AK5: variants seen among roughly 807,000 people sequenced by gnomAD.
The protein encoded by AK5 is adenylate kinase 5, also known as adenylate kinase isoenzyme 5.
A neutral mutation model predicts 69.5 loss-of-function variants in AK5; 27 were observed. The ratio of observed to expected loss-of-function variants is 0.39; its 90% CI spans 0.29 to 0.54. AK5 has a LOEUF of 0.54. AK5 is among the 20% of genes least tolerant of loss of function. The pLI is 0.71. For synonymous variants in AK5, 260 were observed against 244.4 expected (o/e 1.06, Z -0.60); for missense variants, 531 against 700.4 (o/e 0.76, Z 2.73).
chr1:77,387,409 C>T (rs1648109004), intron 6 of AK5, among the ~76,000 whole-genome samples: 1 of 152,060 alleles, frequency 6.6e-6, no homozygotes, highest in Non-Finnish European at 1.5e-5. Flanking sequence ...CCCTAATTGT[C>T]ACTGTAAATT....
intron 6 of AK5, among the ~76,000 whole-genome samples, chr1:77,356,592 T>C (rs1662537825): frequency 6.6e-6 from 1 of 152,206 alleles, no homozygotes; most frequent in African/African-American, 2.4e-5. Context: ...TCATAATGCC[T>C]GCCTCCTAAG....
chr1:77,404,413 C>T (rs1160815026), intron 6 of AK5, among the ~76,000 whole-genome samples: 1 of 151,898 alleles, frequency 6.6e-6, no homozygotes, highest in Non-Finnish European at 1.5e-5. Flanking sequence ...TAAGTATCAA[C>T]ATATGTTGTT....
chr1:77,335,478 A>G (rs1459280319), intron 5 of AK5, among the ~76,000 whole-genome samples: 1 of 151,436 alleles, frequency 6.6e-6, no homozygotes, highest in African/African-American at 2.4e-5. Flanking sequence ...AAAGGATCTT[A>G]TGACCACTGT....
intron 6 of AK5, among the ~76,000 whole-genome samples, chr1:77,403,511 A>G (rs1019491025): frequency 2.6e-5 from 4 of 152,208 alleles, no homozygotes; most frequent in Non-Finnish European, 5.9e-5. Context: ...AGCTTTCTAC[A>G]TATGGCTAGC....
At chr1:77,437,138 T>C (rs1652005108) in intron 8 of AK5, among the ~76,000 whole-genome samples, 3 of 152,124 alleles carry the variant, frequency 2.0e-5, no homozygotes, top group Admixed American at 6.5e-5. Context: ...TTTTATTTTA[T>C]CAACAATTTT....
At chr1:77,477,203 A>G (rs1654999649) in intron 8 of AK5, among the ~76,000 whole-genome samples, 2 of 151,944 alleles carry the variant, frequency 1.3e-5, no homozygotes, top group Admixed American at 1.3e-4. Context: ...AATTTTTTAA[A>G]TTTTTTGTAG....
At chr1:77,365,016 A>G (rs1315165662) in intron 6 of AK5, among the ~76,000 whole-genome samples, 1 of 152,042 alleles carries the variant, frequency 6.6e-6, no homozygotes, top group Non-Finnish European at 1.5e-5. Context: ...CTGTTTTTGC[A>G]CCTTCACCAA....
intron 8 of AK5, among the ~76,000 whole-genome samples, chr1:77,425,354 G>A (rs966110688): frequency 1.3e-5 from 2 of 152,224 alleles, no homozygotes; most frequent in African/African-American, 2.4e-5. Flanking sequence ...GGGAGGCCAA[G>A]GCAGGTGGAT....
intron 6 of AK5, among the ~76,000 whole-genome samples, chr1:77,364,288 G>A (rs1343860071): frequency 1.3e-5 from 2 of 152,116 alleles, no homozygotes; most frequent in Non-Finnish European, 2.9e-5. Context: ...GGCACATAGT[G>A]ATATTTCAGT....
Position 77,434,152 on chromosome 1 carries a change from A to ATAAC in AK5, c.1059+16437_1059+16438insTAAC, listed in dbSNP as rs201761700. Among the ~76,000 whole-genome samples the ATAAC allele has an allele frequency of 4.0e-4, 59 of 148,832 alleles. 2 individuals carry two copies. Among genetic ancestry groups the ATAAC allele is most frequent in the African/African-American group, 1.4e-3 (56 of 40,632 alleles). On this transcript the variant is annotated intron_variant, in intron 8 of 13. Transcript: ENST00000354567. ...AATAAATAAATAAATAAATAAATAA[A>ATAAC]ATTTGATGAAAGTTCATGATAACCA...
Position 77,301,200 on chromosome 1 carries a change from T to A in AK5, c.699+3253T>A, listed in dbSNP as rs149827703. Among the ~76,000 whole-genome samples, 162 of 152,302 alleles carry A rather than the reference T, an allele frequency of 1.1e-3. 1 individual carries two copies. The East Asian group carries it at 0.025, about 23-fold the overall frequency. Reference sequence around the variant, plus strand: ...GGGCAGCTTTTTTCCTTGAGATCATTTAGGGACCATGGTTCCTCCCAGGTT... The same window carrying A: ...GGGCAGCTTTTTTCCTTGAGATCATATAGGGACCATGGTTCCTCCCAGGTT... On this transcript the variant is annotated intron_variant, in intron 5 of 13. Transcript: ENST00000354567.
At chr1:77,406,803 T>C (rs1649688986) in intron 6 of AK5, among the ~76,000 whole-genome samples, 1 of 151,902 alleles carries the variant, frequency 6.6e-6, no homozygotes, top group African/African-American at 2.4e-5. Flanking sequence ...ACTGGAAAAC[T>C]TCATAATTCA....
At position 77,410,995 on chromosome 1, in the gene AK5, C is replaced by T. The variant is rs760221604; in HGVS notation, c.906C>T (p.Arg302=). 8 of 1,613,598 alleles carry T rather than the reference C, an allele frequency of 5.0e-6. No homozygotes were observed. In the Admixed American group the frequency reaches 8.3e-5, roughly 17 times the overall value. ...ATTTCCCCCAGTTTGATGCCGACCG[C>T]GATGAGGATGAGGTGTTCTATGACA... The part of the protein sequence containing the change: ...KGLIMTFDAD[R]DEDEVFYDIS... The change falls in exon 7 of 14, where the codon CGC becomes CGT. Residue 302 remains arginine (R), a synonymous_variant. Coordinates refer to ENST00000354567, the MANE Select transcript of AK5 (RefSeq NM_174858.3).
rs1391597090 is a variant in AK5 at position 77,444,336 on chromosome 1, T to TAA, written c.1059+26622_1059+26623insAA. Reference sequence around the variant, plus strand: ...ACAATATATGTGTATATATATAGTATATATACACAATATATGTGTATATAT... The same window carrying TAA: ...ACAATATATGTGTATATATATAGTATAAATATACACAATATATGTGTATATAT... On this transcript the variant is annotated intron_variant, in intron 8 of 13. Coordinates refer to ENST00000354567, the MANE Select transcript of AK5 (RefSeq NM_174858.3). Among the ~76,000 whole-genome samples, 91 of 50,236 alleles carry TAA rather than the reference T, an allele frequency of 1.8e-3. 6 individuals are homozygous for TAA. Among genetic ancestry groups the TAA allele is most frequent in the African/African-American group, 2.6e-3 (35 of 13,278 alleles). The allele number at this position is 50,236 out of a possible 152,430, so 33.0% of individuals were successfully genotyped here.
At chr1:77,402,503 T>A (rs191162528) in intron 6 of AK5, among the ~76,000 whole-genome samples, 12,127 of 145,612 alleles carry the variant, frequency 0.083, 656 homozygotes, top group South Asian at 0.16. Flanking sequence ...TGTCCATGTG[T>A]TCTCATTGTT....
intron 6 of AK5, among the ~76,000 whole-genome samples, chr1:77,389,105 GA>G (rs1254950358): frequency 2.0e-5 from 3 of 152,192 alleles, no homozygotes; most frequent in Non-Finnish European, 4.4e-5. Context: ...AGAGCAGCCT[GA>G]ATTGGAGGGG....
At chr1:77,488,453 G>A (rs986516275) in intron 10 of AK5, among the ~76,000 whole-genome samples, 4 of 152,148 alleles carry the variant, frequency 2.6e-5, no homozygotes, top group Non-Finnish European at 5.9e-5. Context: ...GTTAGGAAAA[G>A]GGGAGACCCT....
chr1:77,314,198 G>C (rs12135843), intron 5 of AK5: 30,733 of 285,478 alleles, frequency 0.11, 1,991 homozygotes, highest in Middle Eastern at 0.19. Flanking sequence ...TTTCAAGGAG[G>C]CTGGAGAATC....
chr1:77,440,997 C>T (rs930504337), intron 8 of AK5, among the ~76,000 whole-genome samples: 4 of 152,202 alleles, frequency 2.6e-5, no homozygotes, highest in African/African-American at 9.6e-5. Context: ...AATTCACCTG[C>T]CTTGGCCTCC....
Sources: gnomAD v4.1 joint callset for allele counts (sites outside exome capture counted in the v4.1 genomes callset) on GRCh38, gnomAD v4.1.1 for gene constraint, MANE v1.5 for transcripts, NCBI Gene and HGNC (gene_info 2026-07-23, HGNC 2026-07-21) for gene names.